Variants in DNAH1 observed in about 807,000 individuals in gnomAD.
The protein encoded by DNAH1 is axonemal beta dynein heavy chain 1.
DNAH1 carries 327 observed loss-of-function variants against 484.3 expected under a neutral mutation model. That is an observed-to-expected ratio of 0.68 (90% CI 0.62 to 0.74). The LOEUF (loss-of-function observed/expected upper bound fraction) is 0.74. Among genes scored for constraint, DNAH1 ranks in the 30% least tolerant of loss-of-function variants. The pLI, the probability that DNAH1 is intolerant of heterozygous loss-of-function variation, is 0.00. For missense variants in DNAH1, 5,052 were observed against 5,546.8 expected (o/e 0.91, Z 2.83); for synonymous variants, 2,192 against 2,191.9 (o/e 1.00, Z 0.00).
At chr3:52,344,702 C>T in intron 9 of DNAH1, 55 bp downstream of exon 9, 1 of 1,551,832 alleles carries the variant, frequency 6.4e-7, no homozygotes, top group Non-Finnish European at 8.7e-7. Flanking sequence ...GCCAGAGCCC[C>T]CTCCCACCTT....
At position 52,358,812 on chromosome 3, in the gene DNAH1, G is replaced by T; in HGVS notation, c.4266+75G>T. The T allele has an allele frequency of 6.4e-7, 1 of 1,565,474 alleles. No homozygotes were observed. Reference sequence around the variant, plus strand: ...CCCTCTCAGTGCCCCTCCTGCTCTAGCCGGCCTCGTCCTCAGGCTGCAGCC... The same window carrying T: ...CCCTCTCAGTGCCCCTCCTGCTCTATCCGGCCTCGTCCTCAGGCTGCAGCC... On this transcript the variant is annotated intron_variant, in intron 25 of 77. Coordinates refer to ENST00000420323, the MANE Select transcript of DNAH1 (RefSeq NM_015512.5). The surrounding 1 kb of genome is among the most constrained non-coding windows in gnomAD (Gnocchi z 4.2).
At chr3:52,313,761 C>T (rs114188460), upstream of DNAH1, among the ~76,000 whole-genome samples, 1,700 of 152,180 alleles carry the variant, frequency 0.011, 32 homozygotes, top group African/African-American at 0.039. Context: ...GGAGGTCTGG[C>T]AAGGGCAGTG....
At position 52,322,416 on chromosome 3, in the gene DNAH1, G is replaced by T. The variant is rs374876112; in HGVS notation, c.-27G>T. 6.3e-7 allele frequency: 1 copy of T among 1,588,606 alleles called. No individual in the cohort carries two copies. The highest frequency in any genetic ancestry group is 1.1e-5 in the South Asian group (1 of 87,136). ...GCTGGGTTCTTCTCCTAGGAGCTTC[G>T]GCTGGGGCATCTCCCTGAGAAGCAG... On this transcript the variant is annotated 5_prime_UTR_variant, in exon 2 of 78. Transcript: ENST00000420323.
In DNAH1 at chr3:52,374,482, T is replaced by G. The variant is rs922141941; in HGVS notation, c.6986-758T>G. On this transcript the variant is annotated intron_variant, in intron 44 of 77. Coordinates refer to ENST00000420323, the MANE Select transcript of DNAH1 (RefSeq NM_015512.5). Reference sequence around the variant, plus strand: ...AAAGAAGTAATGTTCTTAAACAAATTAGAAGCGATTTTAGATGTCATTGAA... The same window carrying G: ...AAAGAAGTAATGTTCTTAAACAAATGAGAAGCGATTTTAGATGTCATTGAA... The G allele has an allele frequency of 1.1e-5, 16 of 1,416,386 alleles. No individual in the cohort carries two copies. The African/African-American group carries it at 1.7e-4, about 15-fold the overall frequency. The allele number at this position is 1,416,386 out of a possible 1,614,324, so 87.7% of individuals were successfully genotyped here.
Position 52,367,578 on chromosome 3 carries a change from CT to C in DNAH1, c.5765+704del, listed in dbSNP as rs34594699. Reference sequence around the variant, plus strand: ...AAAGAAAAAAAATTATTCAATGATCCTTTTTTTTTTTTTGAGACGAAGTTTC... The same window carrying C: ...AAAGAAAAAAAATTATTCAATGATCCTTTTTTTTTTTTGAGACGAAGTTTC... On this transcript the variant is annotated intron_variant, in intron 36 of 77. Coordinates refer to ENST00000420323, the MANE Select transcript of DNAH1 (RefSeq NM_015512.5). Among the ~76,000 whole-genome samples, 390 of 144,820 alleles carry C rather than the reference CT, an allele frequency of 2.7e-3. 1 individual carries two copies. Among genetic ancestry groups the C allele is most frequent in the African/African-American group, 3.0e-3 (119 of 39,766 alleles).
chr3:52,360,271 A>C, intron 27 of DNAH1, 40 bp from the exon 28 acceptor site: 1 of 1,584,340 alleles, frequency 6.3e-7, no homozygotes, highest in Non-Finnish European at 8.7e-7. Context: ...CCAGTGGCCC[A>C]TTGCCCCATG....
Position 52,344,617 on chromosome 3 carries a change from A to G in DNAH1, c.1414A>G (p.Lys472Glu), listed in dbSNP as rs1702072862. Residue 472 changes from lysine to glutamate, a missense_variant, in exon 9 of 78, where the codon AAG (lysine) becomes GAG (glutamate). By Grantham distance (56) the Lys-to-Glu change is moderately conservative. This residue lies in a region of DNAH1 where 1,263 missense variants were observed against 1,218.8 expected (regional missense o/e 1.04). Transcript: ENST00000420323. The part of the protein sequence containing the change: ...PETFSYVTLP[K>E]KEEEQVPERG... ...GACCTTCTCCTACGTCACCCTCCCC[A>G]AGAAGGAGGAGGAGCAGGTGCCTGA... The G allele has an allele frequency of 6.2e-7, 1 of 1,613,794 alleles. No individual in the cohort carries two copies. The highest frequency in any genetic ancestry group is 8.5e-7 in the Non-Finnish European group (1 of 1,179,832).
At position 52,395,417 on chromosome 3, in the gene DNAH1, A is replaced by G; in HGVS notation, c.11078A>G (p.Glu3693Gly). The change falls in exon 69 of 78, where the codon GAA becomes GGA. Residue 3693 changes from glutamate to glycine, a missense_variant. Glu to Gly is a moderately conservative substitution (Grantham distance 98, BLOSUM62 -2). Transcript: ENST00000420323. This position sits in a 1 kb window ranked among gnomAD's most constrained non-coding sequence, Gnocchi z 4.4. ...PAADLYKFAE[E>G]MKFSKKLSAI... is the part of the protein sequence containing the mutation. ...GCCGACCTCTACAAGTTTGCCGAAGAAATGAAGTTCTCCAAAAAGCTCTCT... is the reference window on the plus strand; with the variant it reads ...GCCGACCTCTACAAGTTTGCCGAAGGAATGAAGTTCTCCAAAAAGCTCTCT... The G allele has an allele frequency of 6.2e-7, 1 of 1,613,894 alleles. No homozygotes were observed. The highest frequency in any genetic ancestry group is 8.5e-7 in the Non-Finnish European group (1 of 1,179,890).
rs752183512 is a variant in DNAH1, at chr3:52,358,704, C to A, written c.4233C>A (p.Asp1411Glu). The A allele has an allele frequency of 6.2e-7, 1 of 1,612,930 alleles. No homozygotes were observed. The highest frequency in any genetic ancestry group is 8.5e-7 in the Non-Finnish European group (1 of 1,179,714). ...GCAGCATGAAGGCCAGTGTGCACGA[C>A]ATCATTGAGAAGGCCATCAGGGCCT... ...VERSMKASVH[D>E]IIEKAIRAYP... Residue 1411 changes from aspartate to glutamate, a missense_variant, in exon 25 of 78, where the codon GAC becomes GAA. Physicochemically the swap from Asp to Glu is conservative, Grantham distance 45. Coordinates refer to ENST00000420323, the MANE Select transcript of DNAH1 (RefSeq NM_015512.5). This position sits in a 1 kb window ranked among gnomAD's most constrained non-coding sequence, Gnocchi z 4.2.
intron 66 of DNAH1, 46 bp downstream of exon 66, chr3:52,393,531 G>T (rs1222077376): frequency 1.2e-6 from 2 of 1,607,318 alleles, no homozygotes; most frequent in South Asian, 1.1e-5. Flanking sequence ...GGGTGGCCCT[G>T]TGGCAGGGCC....
Position 52,375,404 on chromosome 3 carries a change from A to C in DNAH1, c.7150A>C (p.Asn2384His), listed in dbSNP as rs1403012259. ...ACGCATCTTCTCCACCATCCTGGGC[A>C]ACTGGTTGGGTGAGTATTGGTGGGG... ...KKRIFSTILG[N>H]WLDGLLGEKS... Residue 2384 changes from asparagine to histidine, a missense_variant, in exon 45 of 78, where the codon AAC (asparagine) becomes CAC (histidine). Physicochemically the swap from Asn to His is moderately conservative, Grantham distance 68 (BLOSUM62 1). Coordinates refer to ENST00000420323, the MANE Select transcript of DNAH1 (RefSeq NM_015512.5). 1 of 1,612,958 alleles carries C rather than the reference A, an allele frequency of 6.2e-7. No individual in the cohort carries two copies. The highest frequency in any genetic ancestry group is 1.3e-5 in the African/African-American group (1 of 74,926).
At chr3:52,375,895 G>A in intron 45 of DNAH1, 60 bp from the exon 46 acceptor site, 6 of 1,592,884 alleles carry the variant, frequency 3.8e-6, no homozygotes, top group Admixed American at 3.5e-5. Flanking sequence ...CACCTGGCCA[G>A]GGTGAGCAGC....
intron 59 of DNAH1, 60 bp from the exon 60 acceptor site, chr3:52,389,395 TAGTGGG>T: frequency 6.2e-7 from 1 of 1,600,740 alleles, no homozygotes; most frequent in South Asian, 1.1e-5. Context: ...CACTGTGGCT[TAGTGGG>T]AGTTGGGAGG....
rs1371776400 is a variant in DNAH1 at position 52,332,012 on chromosome 3, CAG to C, written c.1034-129_1034-128del. On this transcript the variant is annotated intron_variant, in intron 7 of 77. Transcript: ENST00000420323. The stretch of plus-strand genomic sequence containing the variant: ...CGTCATGCCCATTTCACAGATGCAA[CAG>C]GGGGTCAGAAGAGGGAAACAATTTG... The C allele has an allele frequency of 6.1e-5, 73 of 1,200,744 alleles. No individual in the cohort carries two copies. In the East Asian group the frequency reaches 1.0e-3, roughly 17 times the overall value. 74.4% of individuals were successfully genotyped at this position (1,200,744 alleles called of 1,614,324 possible).
At position 52,349,009 on chromosome 3, in the gene DNAH1, C is replaced by T. The variant is rs917399293; in HGVS notation, c.2228C>T (p.Pro743Leu). 1 of 1,613,348 alleles carries T rather than the reference C, an allele frequency of 6.2e-7. No homozygotes were observed. Among genetic ancestry groups the T allele is most frequent in the South Asian group, 1.1e-5 (1 of 91,088 alleles). ...AGTGCCGTGTCCAAGGCCATGATCC[C>T]ACTGCAGGCCTACGCCAAGGAGTAC... ...IASAVSKAMI[P>L]LQAYAKEYRK... The change falls in exon 13 of 78, where the codon CCA becomes CTA. Residue 743 changes from proline (P) to leucine (L), a missense_variant. Pro to Leu is a moderately conservative substitution (Grantham distance 98). Transcript: ENST00000420323.
intron 2 of DNAH1, among the ~76,000 whole-genome samples, chr3:52,322,990 A>G (rs1244508972): frequency 6.6e-6 from 1 of 152,132 alleles, no homozygotes; most frequent in Non-Finnish European, 1.5e-5. Flanking sequence ...CATTCATTCG[A>G]CAACTCATTA....
chr3:52,378,729 C>T lies in DNAH1; in HGVS notation c.7326C>T (p.Asp2442=). The T allele has an allele frequency of 6.2e-7, 1 of 1,613,804 alleles. No homozygotes were observed. Among genetic ancestry groups the T allele is most frequent in the African/African-American group, 1.3e-5 (1 of 75,036 alleles). Residue 2442 remains aspartate (D), a synonymous_variant, in exon 47 of 78, where the codon GAC becomes GAT. Coordinates refer to ENST00000420323, the MANE Select transcript of DNAH1 (RefSeq NM_015512.5). ...AKSHYTFNLR[D]LSKVFQGMLM... ...CCCACTACACCTTCAACCTGAGGGACCTCTCCAAGGTCTTCCAAGGCATGC... is the reference window on the plus strand; with the variant it reads ...CCCACTACACCTTCAACCTGAGGGATCTCTCCAAGGTCTTCCAAGGCATGC...
intron 76 of DNAH1, 103 bp from the exon 77 acceptor site, chr3:52,399,442 G>T: frequency 9.2e-7 from 1 of 1,092,070 alleles, no homozygotes; most frequent in South Asian, 1.5e-5. Context: ...ATGATGGGCA[G>T]GCAGGCAGCA....
chr3:52,327,934 T>A lies in DNAH1; in HGVS notation c.791T>A (p.Met264Lys), dbSNP rs769171776. Residue 264 changes from methionine (M) to lysine (K), a missense_variant, in exon 6 of 78, where the codon ATG becomes AAG. Met to Lys is a moderately conservative substitution (Grantham distance 95, BLOSUM62 -1). Transcript: ENST00000420323. ...CGGACTCCCAGAGAGTGGATCAACA[T>A]GGGCTTGGAGCCAGGGTCTCTGGAC... ...DCRTPREWINMGLEPGSLDRK... is the reference protein window; with the variant it reads ...DCRTPREWINKGLEPGSLDRK... 1.2e-6 allele frequency: 2 copies of A among 1,613,876 alleles called. No homozygotes were observed. The highest frequency in any genetic ancestry group is 1.7e-6 in the Non-Finnish European group (2 of 1,179,848).
Sources: gnomAD v4.1 joint callset for allele counts (sites outside exome capture counted in the v4.1 genomes callset) on GRCh38, gnomAD v4.1.1 for gene constraint, gnomAD v4.1.1 regional missense constraint, Gnocchi (gnomAD v3.1) non-coding constraint, MANE v1.5 for transcripts, NCBI Gene and HGNC (gene_info 2026-07-23, HGNC 2026-07-21) for gene names.